The following ZFTA variants were observed in gnomAD, a reference collection of about 807,000 sequenced individuals.
ZFTA encodes the protein zinc finger translocation associated.
ZFTA carries 35 observed loss-of-function variants against 41.8 expected under a neutral mutation model. The observed-to-expected ratio is 0.84, with a 90% confidence interval of 0.64 to 1.11. ZFTA has a LOEUF of 1.11. Ranked by LOEUF, ZFTA falls within the 50% of genes most tolerant of loss-of-function variation. ZFTA has a pLI of 0.00. For missense variants in ZFTA, 964 were observed against 989.8 expected, an observed-to-expected ratio of 0.97 and a Z score of 0.35; for synonymous variants, 514 against 436.4, an observed-to-expected ratio of 1.18 and a Z score of -2.22.
intron 1 of ZFTA, among the ~76,000 whole-genome samples, chr11:63,766,706 G>T (rs765317469): frequency 3.9e-5 from 6 of 152,160 alleles, no homozygotes; most frequent in Non-Finnish European, 7.3e-5. Flanking sequence ...AACAAAGGGG[G>T]CATCTGTCTA....
In ZFTA at chr11:63,765,179, C is replaced by A. The variant is rs948275732; in HGVS notation, c.713G>T (p.Arg238Leu). 3.3e-6 allele frequency: 5 copies of A among 1,530,660 alleles called. No individual in the cohort carries two copies. The highest frequency in any genetic ancestry group is 4.4e-6 in the Non-Finnish European group (5 of 1,140,088). 94.8% of individuals were successfully genotyped at this position (1,530,660 alleles called of 1,614,324 possible). The change falls in exon 3 of 5, where the codon CGC becomes CTC. Residue 238 changes from arginine (R) to leucine (L), a missense_variant. Arg to Leu is a moderately radical substitution (Grantham distance 102). This residue lies in a region of ZFTA where 584 missense variants were observed against 523.1 expected (regional missense o/e 1.12). Transcript: ENST00000433688. The surrounding 1 kb of genome is among the most constrained non-coding windows in gnomAD (Gnocchi z 4.0). Reference sequence around the variant, plus strand: ...CCCGGCCCTCCGGGAGGCTGAGAGGCGCAGACGCCGAGCCCGGGGTGCCAC... The same window carrying A: ...CCCGGCCCTCCGGGAGGCTGAGAGGAGCAGACGCCGAGCCCGGGGTGCCAC... ...GPVAPRARRL[R>L]LSASRRAGGS...
rs1032190252 is a variant in ZFTA at position 63,762,237 on chromosome 11, G to C, written c.*1181C>G. 1 of 151,858 alleles carries C rather than the reference G, an allele frequency of 6.6e-6. No homozygotes were observed. The highest frequency in any genetic ancestry group is 2.4e-5 in the African/African-American group (1 of 41,218). 9.4% of individuals were successfully genotyped at this position (151,858 alleles called of 1,614,324 possible). On this transcript the variant is annotated 3_prime_UTR_variant, in exon 5 of 5. Coordinates refer to ENST00000433688, the MANE Select transcript of ZFTA (RefSeq NM_001144936.2). ...TCTCTGATACACGCATAATAAATAA[G>C]ACATTTGCACATAAGGGTGACTGGG...
chr11:63,766,641 G>A (rs1198392992), intron 1 of ZFTA, among the ~76,000 whole-genome samples: 1 of 152,192 alleles, frequency 6.6e-6, no homozygotes, highest in Non-Finnish European at 1.5e-5. Context: ...AAAGCCAGGA[G>A]AGCAGCAGGC....
At chr11:63,767,336 G>GT in intron 1 of ZFTA, 1 of 152,220 alleles carries the variant, frequency 6.6e-6, no homozygotes, top group Non-Finnish European at 1.5e-5. Context: ...TGTCACCCTT[G>GT]TGGAAGTTTT....
chr11:63,760,889 T>C lies in ZFTA; in HGVS notation c.*2529A>G, dbSNP rs1240815475. 6.6e-6 allele frequency: 1 copy of C among 152,214 alleles called. No individual in the cohort carries two copies. The highest frequency in any genetic ancestry group is 1.9e-4 in the East Asian group (1 of 5,198). The allele number at this position is 152,214 out of a possible 1,614,324, so 9.4% of individuals were successfully genotyped here. ...TGCTGCTGGTCTCAGGGACACACTT[T>C]GAGAGCCACTGGTGTGTTTGGGGCT... On this transcript the variant is annotated 3_prime_UTR_variant, in exon 5 of 5. Transcript: ENST00000433688.
In ZFTA at chr11:63,761,623, C is replaced by T. The variant is rs577931095; in HGVS notation, c.*1795G>A. 6 of 152,422 alleles carry T rather than the reference C, an allele frequency of 3.9e-5. No individual in the cohort carries two copies. The highest frequency in any genetic ancestry group is 1.4e-4 in the African/African-American group (6 of 41,578). The allele number at this position is 152,422 out of a possible 1,614,324, so 9.4% of individuals were successfully genotyped here. On this transcript the variant is annotated 3_prime_UTR_variant, in exon 5 of 5. Coordinates refer to ENST00000433688, the MANE Select transcript of ZFTA (RefSeq NM_001144936.2). ...ATTCTAGTTCTTGTACTGTCCCTACCTGGCTGTGTGATCATCTCGGTTCCT... is the reference window on the plus strand; with the variant it reads ...ATTCTAGTTCTTGTACTGTCCCTACTTGGCTGTGTGATCATCTCGGTTCCT...
Position 63,764,871 on chromosome 11 carries a change from G to C in ZFTA, c.1021C>G (p.Pro341Ala). ...EALSELTQSP[P>A]GDDLAPQDLT... Reference sequence around the variant, plus strand: ...CAGCCTGGGATGGGCCTCGCACCTGGTGGGGACTGGGTGAGCTCAGACAGC... The same window carrying C: ...CAGCCTGGGATGGGCCTCGCACCTGCTGGGGACTGGGTGAGCTCAGACAGC... The change falls in exon 3 of 5, where the codon CCA (proline) becomes GCA (alanine). Residue 341 changes from proline (P) to alanine (A), a missense_variant. Pro to Ala is a conservative substitution (Grantham distance 27). Coordinates refer to ENST00000433688, the MANE Select transcript of ZFTA (RefSeq NM_001144936.2). 1.3e-6 allele frequency: 2 copies of C among 1,492,458 alleles called. No individual in the cohort carries two copies. The highest frequency in any genetic ancestry group is 1.8e-6 in the Non-Finnish European group (2 of 1,123,276). The allele number at this position is 1,492,458 out of a possible 1,614,324, so 92.5% of individuals were successfully genotyped here. A position where few individuals can be genotyped will look rare whatever the true frequency, so the allele number is the denominator to read the frequency against.
intron 1 of ZFTA, among the ~76,000 whole-genome samples, chr11:63,768,017 A>C (rs1311973193): frequency 6.6e-6 from 1 of 152,098 alleles, no homozygotes; most frequent in Non-Finnish European, 1.5e-5. Context: ...AGACGAGAGG[A>C]GCAGCCCGAT....
In ZFTA at chr11:63,763,652, C is replaced by T. The variant is rs1220206129; in HGVS notation, c.1803G>A (p.Val601=). 1.9e-6 allele frequency: 3 copies of T among 1,546,198 alleles called. No individual in the cohort carries two copies. The highest frequency in any genetic ancestry group is 2.6e-6 in the Non-Finnish European group (3 of 1,144,808). Residue 601 remains valine, a synonymous_variant, in exon 5 of 5, where the codon GTG becomes GTA. Coordinates refer to ENST00000433688, the MANE Select transcript of ZFTA (RefSeq NM_001144936.2). ...MDYDGSRRGL[V]CMVCGGALAT... is the part of the protein sequence containing the mutation. ...CCAGCGCGCCCCCGCACACCATACACACCAGGCCGCGCCGGCTGCCGTCGT... is the reference window on the plus strand; with the variant it reads ...CCAGCGCGCCCCCGCACACCATACATACCAGGCCGCGCCGGCTGCCGTCGT...
In ZFTA at chr11:63,766,238, C is replaced by G; in HGVS notation, c.206G>C (p.Arg69Thr). 1 of 1,530,940 alleles carries G rather than the reference C, an allele frequency of 6.5e-7. No individual in the cohort carries two copies. Among genetic ancestry groups the G allele is most frequent in the Non-Finnish European group, 8.8e-7 (1 of 1,139,588 alleles). The allele number at this position is 1,530,940 out of a possible 1,614,324, so 94.8% of individuals were successfully genotyped here. A position where few individuals can be genotyped will look rare whatever the true frequency, so the allele number is the denominator to read the frequency against. ...SWGSAPLPSS[R>T]ARGPASSGRK... ...GCCTGAAGATGCTGGTCCCCTGGCCCTGGAGGAGGGCAGGGGGGCACTCCC... is the reference window on the plus strand; with the variant it reads ...GCCTGAAGATGCTGGTCCCCTGGCCGTGGAGGAGGGCAGGGGGGCACTCCC... Residue 69 changes from arginine (R) to threonine (T), a missense_variant, in exon 2 of 5, where the codon AGG (arginine) becomes ACG (threonine). This residue lies in a region of ZFTA where 111 missense variants were observed against 93.2 expected (regional missense o/e 1.19). Coordinates refer to ENST00000433688, the MANE Select transcript of ZFTA (RefSeq NM_001144936.2).
chr11:63,765,048 G>T lies in ZFTA; in HGVS notation c.844C>A (p.Arg282=). The T allele has an allele frequency of 6.5e-7, 1 of 1,548,870 alleles. No individual in the cohort carries two copies. The highest frequency in any genetic ancestry group is 2.4e-5 in the East Asian group (1 of 40,892). Residue 282 remains arginine (R), a synonymous_variant, in exon 3 of 5, where the codon CGG becomes AGG. Transcript: ENST00000433688. This position sits in a 1 kb window ranked among gnomAD's most constrained non-coding sequence, Gnocchi z 4.0. ...CGGCCACAGGCCATGCACACCAGCC[G>T]GTTCCCCCGCGGGTCATAGTCCATG... is the stretch of plus-strand genomic sequence containing the variant. The part of the protein sequence containing the change: ...CLMDYDPRGN[R]LVCMACGRAL...
Position 63,768,334 on chromosome 11 carries a change from T to A in ZFTA, c.139+150A>T, listed in dbSNP as rs1354484823. 3 of 319,836 alleles carry A rather than the reference T, an allele frequency of 9.4e-6. No individual in the cohort carries two copies. In the East Asian group the frequency reaches 4.4e-4, roughly 47 times the overall value. 19.8% of individuals were successfully genotyped at this position (319,836 alleles called of 1,614,324 possible). ...GGGCGGGGGGCTCCCCCGCCAGCCC[T>A]GCAGCCGCGCTCCGCGCCCACCAGG... On this transcript the variant is annotated intron_variant, in intron 1 of 4. Transcript: ENST00000433688.
At chr11:63,764,672 T>A (rs2014715601) in intron 3 of ZFTA, 74 bp from the exon 4 acceptor site, 3 of 1,301,796 alleles carry the variant, frequency 2.3e-6, no homozygotes, top group Admixed American at 3.8e-5. Context: ...GAGGGGTCCA[T>A]CCTGGCTCCT....
In ZFTA at chr11:63,765,327, CA is replaced by C. The variant is rs2014728882; in HGVS notation, c.638-74del. The C allele has an allele frequency of 7.2e-7, 1 of 1,389,322 alleles. No homozygotes were observed. Among genetic ancestry groups the C allele is most frequent in the East Asian group, 2.7e-5 (1 of 36,990 alleles). 86.1% of individuals were successfully genotyped at this position (1,389,322 alleles called of 1,614,324 possible). Reference sequence around the variant, plus strand: ...ATACCCACTACAGCCAGGTCTCCCACAAGCCTCTCACTCACTTGGGCCCCAG... The same window carrying C: ...ATACCCACTACAGCCAGGTCTCCCACAGCCTCTCACTCACTTGGGCCCCAG... On this transcript the variant is annotated intron_variant, in intron 2 of 4. Coordinates refer to ENST00000433688, the MANE Select transcript of ZFTA (RefSeq NM_001144936.2). The surrounding 1 kb of genome is among the most constrained non-coding windows in gnomAD (Gnocchi z 4.0).
Position 63,764,024 on chromosome 11 carries a change from G to A in ZFTA, c.1585+14C>T. 7.6e-7 allele frequency: 1 copy of A among 1,315,252 alleles called. No individual in the cohort carries two copies. Among genetic ancestry groups the A allele is most frequent in the Admixed American group, 3.8e-5 (1 of 26,252 alleles). The allele number at this position is 1,315,252 out of a possible 1,614,324, so 81.5% of individuals were successfully genotyped here. ...CGGCTCTCCCTCTCCGCCTGCTCTGGCCCCACCGCTCACCCCACTCCTCCT... is the reference window on the plus strand; with the variant it reads ...CGGCTCTCCCTCTCCGCCTGCTCTGACCCCACCGCTCACCCCACTCCTCCT... On this transcript the variant is annotated intron_variant, in intron 4 of 4. Coordinates refer to ENST00000433688, the MANE Select transcript of ZFTA (RefSeq NM_001144936.2).
chr11:63,764,584 G>A lies in ZFTA; in HGVS notation c.1039C>T (p.Pro347Ser), dbSNP rs1039073919. The A allele has an allele frequency of 6.4e-6, 8 of 1,256,072 alleles. No homozygotes were observed. Among genetic ancestry groups the A allele is most frequent in the Admixed American group, 4.1e-5 (1 of 24,154 alleles). 77.8% of individuals were successfully genotyped at this position (1,256,072 alleles called of 1,614,324 possible). A position where few individuals can be genotyped will look rare whatever the true frequency, so the allele number is the denominator to read the frequency against. ...CGGCTCTTTCCGGTCAGGTCCTGGG[G>A]GGCGAGGTCATCGCCTGTTGGGGAA... The part of the protein sequence containing the change: ...TQSPPGDDLA[P>S]QDLTGKSRDS... The change falls in exon 4 of 5, where the codon CCC becomes TCC. Residue 347 changes from proline to serine, a missense_variant. Coordinates refer to ENST00000433688, the MANE Select transcript of ZFTA (RefSeq NM_001144936.2).
rs914415235 is a variant in ZFTA at position 63,764,947 on chromosome 11, G to A, written c.945C>T (p.Ser315=). ...GCAGCAGGGCACTGCGCTGGGGGCC[G>A]CTGAGCCCCAGGGAGCCAGGGTGCA... is the stretch of plus-strand genomic sequence containing the variant. ...LEVHPGSLGL[S]GPQRSALLQA... Residue 315 remains serine, a synonymous_variant, in exon 3 of 5, where the codon AGC becomes AGT. Transcript: ENST00000433688. 1.9e-6 allele frequency: 3 copies of A among 1,547,476 alleles called. No individual in the cohort carries two copies. Among genetic ancestry groups the A allele is most frequent in the Non-Finnish European group, 2.6e-6 (3 of 1,146,350 alleles).
chr11:63,765,751 C>T lies in ZFTA; in HGVS notation c.637+56G>A, dbSNP rs1476621398. ...GCTCCTTGGCAGAGCAGCTGGCCCA[C>T]TGTGCCCCACTGGCCACCCAGGCCC... On this transcript the variant is annotated intron_variant, in intron 2 of 4. Coordinates refer to ENST00000433688, the MANE Select transcript of ZFTA (RefSeq NM_001144936.2). The surrounding 1 kb of genome is among the most constrained non-coding windows in gnomAD (Gnocchi z 4.0). 7.0e-7 allele frequency: 1 copy of T among 1,431,304 alleles called. No individual in the cohort carries two copies. The highest frequency in any genetic ancestry group is 2.5e-4 in the Middle Eastern group (1 of 3,940). The allele number at this position is 1,431,304 out of a possible 1,614,324, so 88.7% of individuals were successfully genotyped here.
intron 3 of ZFTA, 97 bp downstream of exon 3, chr11:63,764,771 A>G: frequency 7.1e-7 from 1 of 1,403,742 alleles, no homozygotes; most frequent in Middle Eastern, 2.5e-4. Context: ...CCTGGCCTTC[A>G]GCCCTCAGCC....
Sources: allele counts gnomAD v4.1 joint callset (sites outside exome capture counted in the v4.1 genomes callset), GRCh38; gene constraint gnomAD v4.1.1; regional missense constraint gnomAD v4.1.1; non-coding constraint Gnocchi (gnomAD v3.1); transcripts MANE v1.5; gene names NCBI Gene and HGNC (gene_info 2026-07-23, HGNC 2026-07-21).